Variants in SH3KBP1 observed in about 807,000 individuals in gnomAD.
The protein encoded by SH3KBP1 is SH3 domain containing kinase binding protein 1, also known as SH3 domain-containing kinase-binding protein 1.
In SH3KBP1, 8 loss-of-function variants were observed where a neutral mutation model predicts 50.1. That is an observed-to-expected ratio of 0.16 (90% CI 0.09 to 0.29). The LOEUF is 0.29. Ranked by LOEUF, SH3KBP1 falls within the 10% of genes least tolerant of loss-of-function variation. The probability of loss-of-function intolerance (pLI) is 1.00; values close to 1 mark genes in which losing one functional copy is unlikely to be tolerated. For synonymous variants in SH3KBP1, 227 were observed against 218.6 expected, an observed-to-expected ratio of 1.04 and a Z score of -0.34; for missense variants, 377 against 535.2, an observed-to-expected ratio of 0.70 and a Z score of 2.92.
chrX:19,834,927 C>T (rs1030651576), intron 2 of SH3KBP1, among the ~76,000 whole-genome samples: 8 of 107,547 alleles, frequency 7.4e-5, no homozygotes, highest in African/African-American at 2.4e-4. Flanking sequence ...CCCAGCTACT[C>T]GGGAGGCTGA....
chrX:19,805,562 T>A (rs2067021253), intron 2 of SH3KBP1, among the ~76,000 whole-genome samples: 1 of 104,421 alleles, frequency 9.6e-6, no homozygotes, highest in African/African-American at 3.5e-5. Context: ...CAGTACCCTA[T>A]CACAGAGCTC....
chrX:19,616,557 G>A (rs2067620584), intron 8 of SH3KBP1, among the ~76,000 whole-genome samples: 1 of 111,452 alleles, frequency 9.0e-6, no homozygotes, highest in African/African-American at 3.3e-5. Context: ...ACATTTTCCT[G>A]CTTCTTCACA....
chrX:19,619,230 C>T (rs909680157), intron 8 of SH3KBP1, among the ~76,000 whole-genome samples: 1 of 111,447 alleles, frequency 9.0e-6, no homozygotes. Flanking sequence ...AAGCCAAGAT[C>T]GTGCCACTGC....
intron 2 of SH3KBP1, among the ~76,000 whole-genome samples, chrX:19,767,521 T>A (rs1350781006): frequency 7.2e-5 from 8 of 111,570 alleles, no homozygotes; most frequent in Admixed American, 1.9e-4. Flanking sequence ...GATTTTTTTT[T>A]AAAGAAGCAG....
chrX:19,549,261 T>A (rs753289480), intron 14 of SH3KBP1, among the ~76,000 whole-genome samples: 432 of 111,838 alleles, frequency 3.9e-3, no homozygotes, highest in African/African-American at 0.012. Context: ...AATTTTTTTT[T>A]AAAAAGCTAA....
chrX:19,611,829 A>G (rs980529360), intron 8 of SH3KBP1, among the ~76,000 whole-genome samples: 16 of 110,941 alleles, frequency 1.4e-4, no homozygotes, highest in African/African-American at 2.3e-4. Flanking sequence ...GAAGGGAAGC[A>G]TGAAGGGAGA....
intron 13 of SH3KBP1, among the ~76,000 whole-genome samples, chrX:19,553,512 C>A (rs771801937): frequency 1.8e-5 from 2 of 110,919 alleles, no homozygotes; most frequent in African/African-American, 6.6e-5. Flanking sequence ...GCTGGTTCCT[C>A]TGTCAATAAA....
At position 19,611,956 on chromosome X, in the gene SH3KBP1, G is replaced by GAAAAAAAAAAAAA. The variant is rs3036638; in HGVS notation, c.898-3924_898-3912dup. 5.0e-4 allele frequency among the ~76,000 whole-genome samples: 19 copies of GAAAAAAAAAAAAA among 37,977 alleles called. 1 individual carries two copies. Among genetic ancestry groups the GAAAAAAAAAAAAA allele is most frequent in the Non-Finnish European group, 5.5e-4 (12 of 21,774 alleles). The allele number at this position is 37,977 out of a possible 115,157, so 33.0% of individuals were successfully genotyped here. ...TGATTTAGTGCTACTAGCAGAAGTAGAAAAAAAAAAAAAAAAAAAAAACAA... is the reference window on the plus strand; with the variant it reads ...TGATTTAGTGCTACTAGCAGAAGTAGAAAAAAAAAAAAAAAAAAAAAAAAAAAAAAAAAAACAA... On this transcript the variant is annotated intron_variant, in intron 8 of 17. Transcript: ENST00000397821.
At position 19,746,298 on chromosome X, in the gene SH3KBP1, C is replaced by T; in HGVS notation, c.286+20G>A. The T allele has an allele frequency of 8.3e-7, 1 of 1,209,080 alleles. No individual in the cohort carries two copies. The highest frequency in any genetic ancestry group is 3.0e-5 in the East Asian group (1 of 33,759). ...TTTTGTTTGTGTGCAGGGAGGGAAC[C>T]TCTTTTTCCTTTTCCATACCTCTCT... On this transcript the variant is annotated intron_variant, in intron 3 of 17. Transcript: ENST00000397821.
chrX:19,616,764 T>C (rs2148173444), intron 8 of SH3KBP1, among the ~76,000 whole-genome samples: 1 of 111,151 alleles, frequency 9.0e-6, no homozygotes, highest in Admixed American at 9.5e-5. Flanking sequence ...GGTAGTGCTG[T>C]TCCTGTGGCT....
At chrX:19,813,196 A>G (rs2067259715) in intron 2 of SH3KBP1, among the ~76,000 whole-genome samples, 1 of 108,403 alleles carries the variant, frequency 9.2e-6, no homozygotes, top group Admixed American at 9.7e-5. Flanking sequence ...AGAAGGAAAG[A>G]ACTAACTTGC....
chrX:19,843,612 A>G (rs775162312), intron 1 of SH3KBP1, among the ~76,000 whole-genome samples: 1 of 111,183 alleles, frequency 9.0e-6, no homozygotes, highest in Admixed American at 9.6e-5. Flanking sequence ...AGCTTCCCCA[A>G]CAAAGACAGG....
chrX:19,794,205 G>A, intron 2 of SH3KBP1, among the ~76,000 whole-genome samples: 1 of 95,662 alleles, frequency 1.0e-5, no homozygotes, highest in Middle Eastern at 6.0e-3. Context: ...ACCAGCCTGG[G>A]CAACATGGTG....
intron 1 of SH3KBP1, among the ~76,000 whole-genome samples, chrX:19,838,105 A>G (rs1041192614): frequency 2.7e-5 from 3 of 110,419 alleles, no homozygotes; most frequent in African/African-American, 1.0e-4. Context: ...CAACAAACCA[A>G]CTTCAATACA....
At chrX:19,625,104 A>G (rs2067973151) in intron 8 of SH3KBP1, among the ~76,000 whole-genome samples, 1 of 112,376 alleles carries the variant, frequency 8.9e-6, no homozygotes, top group African/African-American at 3.2e-5. Flanking sequence ...TGCCAAGCTA[A>G]GGATCTTGCT....
intron 11 of SH3KBP1, among the ~76,000 whole-genome samples, chrX:19,589,845 C>T (rs1399844696): frequency 9.2e-6 from 1 of 108,579 alleles, no homozygotes; most frequent in Non-Finnish European, 1.9e-5. Flanking sequence ...CAGGGCTGGG[C>T]GCGGTGGCTC....
At chrX:19,680,623 C>T (rs748259463) in intron 6 of SH3KBP1, among the ~76,000 whole-genome samples, 1 of 111,540 alleles carries the variant, frequency 9.0e-6, no homozygotes, top group East Asian at 2.8e-4. Flanking sequence ...TCAAAGGAAG[C>T]TTTCTTCCTT....
intron 9 of SH3KBP1, among the ~76,000 whole-genome samples, chrX:19,600,127 A>C: frequency 9.4e-6 from 1 of 105,827 alleles, no homozygotes; most frequent in East Asian, 2.9e-4. Context: ...AAAATGCAAC[A>C]GGCCCAGCAC....
intron 5 of SH3KBP1, among the ~76,000 whole-genome samples, chrX:19,686,657 T>C (rs2063171910): frequency 9.0e-6 from 1 of 110,792 alleles, no homozygotes; most frequent in South Asian, 3.9e-4. Context: ...AGTGAGGTCA[T>C]GTGCAGTAGG....
Sources: allele counts gnomAD v4.1 joint callset (sites outside exome capture counted in the v4.1 genomes callset), GRCh38; gene constraint gnomAD v4.1.1; transcripts MANE v1.5; gene names NCBI Gene and HGNC (gene_info 2026-07-23, HGNC 2026-07-21).